Variants in DPP6 observed in about 807,000 individuals in gnomAD.
The protein encoded by DPP6 is dipeptidyl peptidase like 6, also known as A-type potassium channel modulatory protein DPP6.
In DPP6, 69 loss-of-function variants were observed where a neutral mutation model predicts 122.6. The ratio of observed to expected loss-of-function variants is 0.56; its 90% CI spans 0.46 to 0.69. DPP6 has a LOEUF of 0.69. Among genes scored for constraint, DPP6 ranks in the 30% least tolerant of loss-of-function variants. The pLI is 0.00. For synonymous variants in DPP6, 418 were observed against 433.1 expected, an observed-to-expected ratio of 0.97 and a Z score of 0.43; for missense variants, 928 against 1,116.9, an observed-to-expected ratio of 0.83 and a Z score of 2.41.
intron 1 of DPP6, among the ~76,000 whole-genome samples, chr7:154,334,846 A>C (rs1809262663): frequency 6.6e-6 from 1 of 152,168 alleles, no homozygotes; most frequent in African/African-American, 2.4e-5. Flanking sequence ...CAGTGAGCCA[A>C]GATTGTACCA....
chr7:154,290,479 AC>A (rs988599248), intron 1 of DPP6, among the ~76,000 whole-genome samples: 4 of 148,422 alleles, frequency 2.7e-5, no homozygotes, highest in Admixed American at 1.3e-4. Context: ...GCTCCCTGCC[AC>A]CCCCCTGCCT....
intron 1 of DPP6, among the ~76,000 whole-genome samples, chr7:154,168,081 A>G (rs1797343874): frequency 6.6e-6 from 1 of 152,208 alleles, no homozygotes; most frequent in South Asian, 2.1e-4. Context: ...GGGTGGCTGA[A>G]GATAACACCG....
At chr7:154,391,095 G>A (rs1337784963) in intron 1 of DPP6, among the ~76,000 whole-genome samples, 3 of 152,170 alleles carry the variant, frequency 2.0e-5, no homozygotes, top group East Asian at 1.9e-4. Flanking sequence ...GGGCTGCAGC[G>A]GGCGTTCTGG....
chr7:154,027,947 G>A (rs1375625443), intron 1 of DPP6, among the ~76,000 whole-genome samples: 1 of 150,840 alleles, frequency 6.6e-6, no homozygotes, highest in Non-Finnish European at 1.5e-5. Flanking sequence ...GTGGCTGCCT[G>A]CCTGCCAGCC....
chr7:154,883,149 A>G (rs1274761557), intron 21 of DPP6, among the ~76,000 whole-genome samples: 2 of 150,370 alleles, frequency 1.3e-5, no homozygotes, highest in Non-Finnish European at 2.9e-5. Flanking sequence ...GCTCACCCAT[A>G]CACATGCTCA....
At chr7:154,220,980 G>A (rs1800270590) in intron 1 of DPP6, among the ~76,000 whole-genome samples, 2 of 152,126 alleles carry the variant, frequency 1.3e-5, no homozygotes, top group African/African-American at 4.8e-5. Context: ...GACCATATGT[G>A]TGGATAACAT....
At chr7:154,150,935 C>T (rs1017264271) in intron 1 of DPP6, among the ~76,000 whole-genome samples, 8 of 152,166 alleles carry the variant, frequency 5.3e-5, no homozygotes, top group East Asian at 1.9e-4. Flanking sequence ...CTGGCAAGGT[C>T]GCCTGTCTCC....
Position 154,603,928 on chromosome 7 carries a change from T to C in DPP6, c.628-33893T>C, listed in dbSNP as rs574310487. On this transcript the variant is annotated intron_variant, in intron 5 of 25. Transcript: ENST00000377770. ...GATTTCTTAGTGTCTGATAAAGTTC[T>C]GTTTCTTGATTTGCATGGTTGTTAG... is the stretch of plus-strand genomic sequence containing the variant. Among the ~76,000 whole-genome samples, 3 of 120,330 alleles carry C rather than the reference T, an allele frequency of 2.5e-5. 1 individual carries two copies. Among genetic ancestry groups the C allele is most frequent in the African/African-American group, 7.9e-5 (3 of 37,990 alleles). 78.9% of individuals were successfully genotyped at this position (120,330 alleles called of 152,430 possible). A position where few individuals can be genotyped will look rare whatever the true frequency, so the allele number is the denominator to read the frequency against.
intron 1 of DPP6, among the ~76,000 whole-genome samples, chr7:154,386,224 G>C (rs1814096221): frequency 6.6e-6 from 1 of 152,154 alleles, no homozygotes; most frequent in African/African-American, 2.4e-5. Context: ...TGTTGCAACT[G>C]TTTCCATCCT....
At chr7:154,666,230 C>CTATACT (rs1263900575) in intron 6 of DPP6, among the ~76,000 whole-genome samples, 2 of 149,948 alleles carry the variant, frequency 1.3e-5, no homozygotes, top group Non-Finnish European at 2.9e-5. Context: ...TACATACATA[C>CTATACT]ATACTATAAC....
At position 154,474,957 on chromosome 7, in the gene DPP6, C is replaced by T; in HGVS notation, c.377C>T (p.Ser126Phe). 1 of 1,613,452 alleles carries T rather than the reference C, an allele frequency of 6.2e-7. No homozygotes were observed. Among genetic ancestry groups the T allele is most frequent in the Non-Finnish European group, 8.5e-7 (1 of 1,179,540 alleles). The part of the protein sequence containing the change: ...LLTPAEDNSL[S>F]QKKKVTVEDL... ...TTTCTAGCGGAAGATAATAGTCTGT[C>T]TCAAAAGAAGAAGGTCACTGTAGAA... is the stretch of plus-strand genomic sequence containing the variant. Residue 126 changes from serine (S) to phenylalanine (F), a missense_variant, in exon 3 of 26, where the codon TCT (serine) becomes TTT (phenylalanine). Transcript: ENST00000377770.
At chr7:154,835,730 A>G (rs991875554) in intron 16 of DPP6, among the ~76,000 whole-genome samples, 1 of 152,244 alleles carries the variant, frequency 6.6e-6, no homozygotes, top group Non-Finnish European at 1.5e-5. Context: ...CTGAGAGCCC[A>G]GAGTGTACAA....
intron 1 of DPP6, among the ~76,000 whole-genome samples, chr7:154,288,750 C>T (rs928908822): frequency 3.3e-5 from 5 of 152,054 alleles, no homozygotes; most frequent in Admixed American, 6.6e-5. Flanking sequence ...AATAATCAGG[C>T]GCTGTTTTAA....
intron 5 of DPP6, among the ~76,000 whole-genome samples, chr7:154,617,134 C>T (rs537586648): frequency 3.6e-4 from 55 of 152,292 alleles, no homozygotes; most frequent in African/African-American, 1.3e-3. Flanking sequence ...AAAGCATATA[C>T]TTACCAAGCC....
rs76880482 is a variant in DPP6 at position 154,877,790 on chromosome 7, C to A, written c.2078+1690C>A. ...CACCAGTGAGACAGGTGCAGGCAGCCCCCCCAGAGACCAAGTGGGTCCGTC... is the reference window on the plus strand; with the variant it reads ...CACCAGTGAGACAGGTGCAGGCAGCACCCCCAGAGACCAAGTGGGTCCGTC... On this transcript the variant is annotated intron_variant, in intron 20 of 25. Transcript: ENST00000377770. The surrounding 1 kb of genome is among the most constrained non-coding windows in gnomAD (Gnocchi z 5.2). 5.3e-5 allele frequency among the ~76,000 whole-genome samples: 8 copies of A among 152,176 alleles called. No homozygotes were observed. Among genetic ancestry groups the A allele is most frequent in the East Asian group, 1.9e-4 (1 of 5,198 alleles).
intron 1 of DPP6, among the ~76,000 whole-genome samples, chr7:154,332,846 C>T (rs969348520): frequency 2.0e-5 from 3 of 152,188 alleles, no homozygotes; most frequent in African/African-American, 7.2e-5. Flanking sequence ...TCCCACTCAC[C>T]GTGCCCGCCC....
At chr7:154,054,380 A>G (rs944952291) in intron 1 of DPP6, among the ~76,000 whole-genome samples, 5 of 152,058 alleles carry the variant, frequency 3.3e-5, no homozygotes, top group Non-Finnish European at 7.4e-5. Flanking sequence ...CTATGAAATC[A>G]GTGAGGTTTT....
At chr7:154,150,952 C>T (rs993432109) in intron 1 of DPP6, among the ~76,000 whole-genome samples, 11 of 152,172 alleles carry the variant, frequency 7.2e-5, no homozygotes, top group Admixed American at 6.5e-5. Flanking sequence ...CTCCCTCCTC[C>T]ACACCTGTTC....
intron 7 of DPP6, among the ~76,000 whole-genome samples, chr7:154,681,432 A>G (rs183729909): frequency 6.6e-6 from 1 of 152,360 alleles, no homozygotes. Context: ...TCTTGAGAGA[A>G]TATAACAAGG....
Sources: allele counts gnomAD v4.1 joint callset (sites outside exome capture counted in the v4.1 genomes callset), GRCh38; gene constraint gnomAD v4.1.1; non-coding constraint Gnocchi (gnomAD v3.1); transcripts MANE v1.5; gene names NCBI Gene and HGNC (gene_info 2026-07-23, HGNC 2026-07-21).